Variants in GRM7 observed in about 807,000 individuals in gnomAD.
GRM7 encodes the protein metabotropic glutamate receptor 7.
In GRM7, 35 loss-of-function variants were observed where a neutral mutation model predicts 84.5. The ratio of observed to expected loss-of-function variants is 0.41; its 90% CI spans 0.32 to 0.55. GRM7 has a LOEUF of 0.55. Among genes scored for constraint, GRM7 ranks in the 20% least tolerant of loss-of-function variants. GRM7 has a pLI of 0.19. For synonymous variants in GRM7, 487 were observed against 455.1 expected (o/e 1.07, Z -0.89); for missense variants, 1,003 against 1,194.6 (o/e 0.84, Z 2.36).
intron 7 of GRM7, among the ~76,000 whole-genome samples, chr3:7,547,383 T>C (rs2125021717): frequency 6.6e-6 from 1 of 152,042 alleles, no homozygotes; most frequent in South Asian, 2.1e-4. Context: ...ATTTTTTGTA[T>C]TTTTAGTAGA....
In GRM7 at chr3:7,112,227, T is replaced by A. The variant is rs988670078; in HGVS notation, c.520-34225T>A. 2.3e-4 allele frequency among the ~76,000 whole-genome samples: 26 copies of A among 110,770 alleles called. No homozygotes were observed. In the South Asian group the frequency reaches 7.3e-3, roughly 31 times the overall value. 72.7% of individuals were successfully genotyped at this position (110,770 alleles called of 152,430 possible). A position where few individuals can be genotyped will look rare whatever the true frequency, so the allele number is the denominator to read the frequency against. ...TAGTCTATTGAGTTTTCATATTTTA[T>A]GATTTTTTTTTTTTTGAGACAGAGT... On this transcript the variant is annotated intron_variant, in intron 1 of 9. Transcript: ENST00000357716.
At chr3:6,947,177 T>A (rs1042209945) in intron 1 of GRM7, among the ~76,000 whole-genome samples, 4 of 152,208 alleles carry the variant, frequency 2.6e-5, no homozygotes, top group Non-Finnish European at 5.9e-5. Context: ...CAGTATGATA[T>A]TGGCTGTGGG....
intron 3 of GRM7, among the ~76,000 whole-genome samples, chr3:7,302,556 C>T (rs1032994793): frequency 2.6e-5 from 4 of 151,918 alleles, no homozygotes; most frequent in African/African-American, 4.8e-5. Flanking sequence ...AATTGTATGT[C>T]GTTTTATATT....
chr3:7,097,334 G>A (rs991629894), intron 1 of GRM7, among the ~76,000 whole-genome samples: 1 of 151,882 alleles, frequency 6.6e-6, no homozygotes, highest in African/African-American at 2.4e-5. Context: ...ATCCACTCAG[G>A]AACAAAAAAT....
At chr3:7,291,902 C>G (rs989727772) in intron 2 of GRM7, among the ~76,000 whole-genome samples, 2 of 152,102 alleles carry the variant, frequency 1.3e-5, no homozygotes, top group African/African-American at 4.8e-5. Flanking sequence ...ATCATGGGGG[C>G]AGTTCCCCCA....
chr3:7,498,302 T>C (rs563522485), intron 7 of GRM7, among the ~76,000 whole-genome samples: 1 of 152,332 alleles, frequency 6.6e-6, no homozygotes, highest in South Asian at 2.1e-4. Flanking sequence ...GCATTTACCC[T>C]ACAGGGTTTA....
At chr3:7,091,117 T>G (rs73115044) in intron 1 of GRM7, among the ~76,000 whole-genome samples, 3,335 of 151,698 alleles carry the variant, frequency 0.022, 111 homozygotes, top group African/African-American at 0.077. Context: ...ACAAGTTGAG[T>G]GATATAAATT....
intron 2 of GRM7, among the ~76,000 whole-genome samples, chr3:7,165,186 A>G (rs1473195658): frequency 6.6e-6 from 1 of 151,912 alleles, no homozygotes; most frequent in Non-Finnish European, 1.5e-5. Flanking sequence ...ACCATCCGCA[A>G]CTCTGTTTCT....
At chr3:7,069,273 C>T (rs947046669) in intron 1 of GRM7, among the ~76,000 whole-genome samples, 3 of 151,880 alleles carry the variant, frequency 2.0e-5, no homozygotes, top group Non-Finnish European at 4.4e-5. Flanking sequence ...CGACAGGTCA[C>T]CAGAACCAGT....
At chr3:7,159,669 T>G (rs1041874781) in intron 2 of GRM7, among the ~76,000 whole-genome samples, 2 of 152,170 alleles carry the variant, frequency 1.3e-5, no homozygotes, top group African/African-American at 4.8e-5. Context: ...TACCTAGGTT[T>G]AAATACTAGC....
chr3:7,344,094 T>TA (rs201162927), intron 4 of GRM7, among the ~76,000 whole-genome samples: 6,341 of 152,272 alleles, frequency 0.042, 294 homozygotes, highest in African/African-American at 0.12. Context: ...AATCATGTTT[T>TA]TTTTTTTAAC....
intron 1 of GRM7, among the ~76,000 whole-genome samples, chr3:7,036,861 G>C (rs1335468533): frequency 1.3e-5 from 2 of 151,914 alleles, no homozygotes; most frequent in Non-Finnish European, 2.9e-5. Flanking sequence ...TAAGATTCAG[G>C]CAAATCGTGA....
At chr3:7,141,733 A>G (rs1273646065) in intron 1 of GRM7, among the ~76,000 whole-genome samples, 3 of 149,156 alleles carry the variant, frequency 2.0e-5, no homozygotes, top group African/African-American at 7.6e-5. Context: ...CCAAGACTTG[A>G]AAAAAAAAAT....
At chr3:7,161,006 T>C (rs1694606182) in intron 2 of GRM7, among the ~76,000 whole-genome samples, 2 of 152,168 alleles carry the variant, frequency 1.3e-5, no homozygotes, top group African/African-American at 2.4e-5. Flanking sequence ...TAGGGATTTA[T>C]TGTTAACCAC....
chr3:7,561,680 C>G (rs3828429), intron 7 of GRM7: 8,385 of 382,948 alleles, frequency 0.022, 194 homozygotes, highest in African/African-American at 0.056. Context: ...TTGTCTAATT[C>G]TCTGAAGTTG....
intron 2 of GRM7, among the ~76,000 whole-genome samples, chr3:7,218,796 T>A (rs143046057): frequency 2.7e-5 from 4 of 150,102 alleles, no homozygotes; most frequent in African/African-American, 9.8e-5. Context: ...AGATATTGAT[T>A]TGTCATGTGC....
chr3:7,382,634 A>G (rs1694634050), intron 4 of GRM7, among the ~76,000 whole-genome samples: 1 of 152,268 alleles, frequency 6.6e-6, no homozygotes, highest in Admixed American at 6.5e-5. Context: ...GTTGAATAAA[A>G]AGGGAAAACA....
chr3:7,064,225 C>T (rs976172207), intron 1 of GRM7, among the ~76,000 whole-genome samples: 7 of 150,410 alleles, frequency 4.7e-5, no homozygotes, highest in South Asian at 2.1e-4. Flanking sequence ...AGTCTTTTAT[C>T]GCTTGCCCCT....
intron 4 of GRM7, among the ~76,000 whole-genome samples, chr3:7,373,825 C>T (rs1694235816): frequency 6.6e-6 from 1 of 152,170 alleles, no homozygotes; most frequent in South Asian, 2.1e-4. Context: ...AATATCTGTG[C>T]TGGGCAATAT....
Sources: gnomAD v4.1 joint callset for allele counts (sites outside exome capture counted in the v4.1 genomes callset) on GRCh38, gnomAD v4.1.1 for gene constraint, MANE v1.5 for transcripts, NCBI Gene and HGNC (gene_info 2026-07-23, HGNC 2026-07-21) for gene names.